FHIT: variants seen among roughly 807,000 people sequenced by gnomAD.
FHIT encodes bis(5'-adenosyl)-triphosphatase.
In FHIT, 19 loss-of-function variants were observed where a neutral mutation model predicts 17.9. The observed-to-expected ratio is 1.06, with a 90% CI of 0.74 to 1.56. The LOEUF is 1.56. FHIT is among the 40% of genes most tolerant of loss of function. The pLI is 0.00. For synonymous variants in FHIT, 81 were observed against 69.7 expected (o/e 1.16, Z -0.81); for missense variants, 248 against 189.2 (o/e 1.31, Z -1.82).
chr3:60,621,512 G>A (rs1307443210), intron 4 of FHIT, among the ~76,000 whole-genome samples: 1 of 151,110 alleles, frequency 6.6e-6, no homozygotes, highest in East Asian at 1.9e-4. Flanking sequence ...AACATAAATG[G>A]AACATTTTAT....
At chr3:61,014,606 C>T (rs903935200) in intron 3 of FHIT, among the ~76,000 whole-genome samples, 8 of 150,854 alleles carry the variant, frequency 5.3e-5, no homozygotes, top group African/African-American at 1.7e-4. Flanking sequence ...GGAGAAACCC[C>T]GTCTCTACTA....
intron 5 of FHIT, among the ~76,000 whole-genome samples, chr3:60,197,887 T>C (rs1257725579): frequency 6.6e-6 from 1 of 152,132 alleles, no homozygotes; most frequent in Non-Finnish European, 1.5e-5. Context: ...AGCAGCTTTG[T>C]AACTTCACAA....
At chr3:60,828,449 A>G (rs782640758) in intron 3 of FHIT, among the ~76,000 whole-genome samples, 1 of 152,156 alleles carries the variant, frequency 6.6e-6, no homozygotes, top group Non-Finnish European at 1.5e-5. Flanking sequence ...ATACTTTGTT[A>G]TATGTGCCAG....
At chr3:60,748,500 C>G (rs1454541580) in intron 4 of FHIT, among the ~76,000 whole-genome samples, 1 of 152,156 alleles carries the variant, frequency 6.6e-6, no homozygotes, top group Non-Finnish European at 1.5e-5. Flanking sequence ...AACCTGTACA[C>G]ATCCTCCCGT....
At chr3:60,664,648 T>G (rs1025673796) in intron 4 of FHIT, among the ~76,000 whole-genome samples, 2 of 151,856 alleles carry the variant, frequency 1.3e-5, no homozygotes, top group East Asian at 3.8e-4. Flanking sequence ...TAATTCAATT[T>G]TTTAAATAGC....
chr3:61,077,429 C>T (rs753621455), intron 2 of FHIT, among the ~76,000 whole-genome samples: 1 of 151,910 alleles, frequency 6.6e-6, no homozygotes, highest in South Asian at 2.1e-4. Flanking sequence ...TAATTTGGCA[C>T]CACTTTGCAC....
At chr3:60,666,859 CTTTTCT>C (rs2040392346) in intron 4 of FHIT, among the ~76,000 whole-genome samples, 2 of 53,648 alleles carry the variant, frequency 3.7e-5, no homozygotes, top group South Asian at 1.4e-3. Flanking sequence ...TTTTTCTTTT[CTTTTCT>C]TTTTTTTTTT....
rs985466293 is a variant in FHIT at position 60,134,773 on chromosome 3, T to C, written c.104-120621A>G. On this transcript the variant is annotated intron_variant, in intron 5 of 9. Transcript: ENST00000492590. The stretch of plus-strand genomic sequence containing the variant: ...TATTTCAAGTCATCAAACGTATGAG[T>C]CAGCTGTATCTTGATACAATTAGTT... Among the ~76,000 whole-genome samples, 84 of 152,086 alleles carry C rather than the reference T, an allele frequency of 5.5e-4. 4 individuals are homozygous for C. Among genetic ancestry groups the C allele is most frequent in the Non-Finnish European group, 7.4e-5 (5 of 68,016 alleles).
At chr3:60,376,311 TATA>T (rs1330053391) in intron 5 of FHIT, among the ~76,000 whole-genome samples, 3 of 152,344 alleles carry the variant, frequency 2.0e-5, no homozygotes, top group South Asian at 4.1e-4. Flanking sequence ...ATCTTAAACA[TATA>T]ATATCAGATA....
Position 59,784,522 on chromosome 3 carries a change from CA to C in FHIT, c.349-32202del, listed in dbSNP as rs1702749320. Among the ~76,000 whole-genome samples, 8 of 152,228 alleles carry C rather than the reference CA, an allele frequency of 5.3e-5. No homozygotes were observed. The South Asian group carries it at 1.7e-3, about 32-fold the overall frequency. ...ACTGTGTGGTCCAACTCCACTGGAC[CA>C]GTCTTGCCTGGTTCCTCCCAGAGTG... On this transcript the variant is annotated intron_variant, in intron 8 of 9. Coordinates refer to ENST00000492590, the MANE Select transcript of FHIT (RefSeq NM_002012.4).
intron 7 of FHIT, among the ~76,000 whole-genome samples, chr3:59,958,486 G>A (rs548896753): frequency 3.9e-5 from 6 of 152,242 alleles, no homozygotes; most frequent in South Asian, 2.1e-4. Flanking sequence ...ATTCTCTCCT[G>A]AGGAAGAAAA....
intron 5 of FHIT, among the ~76,000 whole-genome samples, chr3:60,242,050 G>A (rs976474997): frequency 2.6e-5 from 4 of 151,980 alleles, no homozygotes; most frequent in African/African-American, 9.7e-5. Flanking sequence ...AACAGGGTGT[G>A]TATGTAATTA....
chr3:59,907,709 T>C (rs773850188), intron 8 of FHIT, among the ~76,000 whole-genome samples: 1 of 152,246 alleles, frequency 6.6e-6, no homozygotes, highest in Non-Finnish European at 1.5e-5. Context: ...TTCTATTTGC[T>C]ACTATAACAA....
intron 4 of FHIT, among the ~76,000 whole-genome samples, chr3:60,597,155 G>A (rs561372339): frequency 6.6e-6 from 1 of 152,168 alleles, no homozygotes; most frequent in East Asian, 1.9e-4. Context: ...ATGGTTGGGG[G>A]AGGAGAAAGT....
At chr3:60,999,890 G>A (rs993327814) in intron 3 of FHIT, among the ~76,000 whole-genome samples, 8 of 152,178 alleles carry the variant, frequency 5.3e-5, no homozygotes, top group African/African-American at 1.9e-4. Context: ...GTCTGGTGAG[G>A]GCCCACTTCT....
At position 60,936,886 on chromosome 3, in the gene FHIT, T is replaced by C. The variant is rs146306139; in HGVS notation, c.-111+105161A>G. ...GAAAGGTTATTTTTCTTAACATCAT[T>C]CTACTACTTTATGGTTCTTGATACA... On this transcript the variant is annotated intron_variant, in intron 3 of 9. Coordinates refer to ENST00000492590, the MANE Select transcript of FHIT (RefSeq NM_002012.4). 1.2e-3 allele frequency among the ~76,000 whole-genome samples: 183 copies of C among 152,328 alleles called. No individual in the cohort carries two copies. In the East Asian group the frequency reaches 0.014, roughly 12 times the overall value.
chr3:60,476,969 CTA>C (rs747968137), intron 5 of FHIT, among the ~76,000 whole-genome samples: 5,625 of 149,694 alleles, frequency 0.038, 330 homozygotes, highest in African/African-American at 0.13. Context: ...ACAGAACAAA[CTA>C]TATATATATA....
At chr3:59,851,967 A>G (rs943685158) in intron 8 of FHIT, among the ~76,000 whole-genome samples, 17 of 152,218 alleles carry the variant, frequency 1.1e-4, no homozygotes, top group Non-Finnish European at 2.4e-4. Flanking sequence ...ATCTTGCTCT[A>G]AAACACATTC....
chr3:61,091,385 T>C (rs1575995410), intron 2 of FHIT, among the ~76,000 whole-genome samples: 1 of 152,128 alleles, frequency 6.6e-6, no homozygotes, highest in East Asian at 1.9e-4. Flanking sequence ...CTAAGTCTTC[T>C]TCATCTGTAA....
Sources: gnomAD v4.1 joint callset for allele counts (sites outside exome capture counted in the v4.1 genomes callset) on GRCh38, gnomAD v4.1.1 for gene constraint, MANE v1.5 for transcripts, NCBI Gene and HGNC (gene_info 2026-07-23, HGNC 2026-07-21) for gene names.